LUZP2: variants seen among roughly 807,000 people sequenced by gnomAD.
LUZP2 encodes the protein leucine zipper protein 2.
LUZP2 carries 52 observed loss-of-function variants against 51.6 expected under a neutral mutation model. The observed-to-expected ratio is 1.01, with a 90% CI of 0.81 to 1.27. LUZP2 has a LOEUF of 1.27. LUZP2 is among the 50% of genes most tolerant of loss of function. The probability of loss-of-function intolerance (pLI) is 0.00; values close to 1 mark genes in which losing one functional copy is unlikely to be tolerated. For missense variants in LUZP2, 436 were observed against 395.4 expected (o/e 1.10, Z -0.87); for synonymous variants, 154 against 137.3 (o/e 1.12, Z -0.85).
At chr11:25,001,773 C>T (rs1856687709) in intron 9 of LUZP2, among the ~76,000 whole-genome samples, 1 of 152,126 alleles carries the variant, frequency 6.6e-6, no homozygotes, top group Non-Finnish European at 1.5e-5. Flanking sequence ...CTCTGTCTCT[C>T]TTTGACTTTG....
intron 9 of LUZP2, among the ~76,000 whole-genome samples, chr11:25,017,369 A>G (rs1271073256): frequency 2.6e-5 from 4 of 152,068 alleles, no homozygotes; most frequent in African/African-American, 9.6e-5. Context: ...AGTTTTTCCT[A>G]GATTTTCTTT....
intron 7 of LUZP2, among the ~76,000 whole-genome samples, chr11:24,965,662 A>C (rs1031395564): frequency 7.2e-5 from 11 of 151,814 alleles, no homozygotes; most frequent in Non-Finnish European, 1.6e-4. Context: ...TTTACATATA[A>C]ATTTTTTAAT....
intron 1 of LUZP2, among the ~76,000 whole-genome samples, chr11:24,717,019 A>T (rs1340411005): frequency 6.6e-6 from 1 of 152,162 alleles, no homozygotes; most frequent in East Asian, 1.9e-4. Context: ...AAAACTAATG[A>T]TTAATTATAA....
intron 9 of LUZP2, among the ~76,000 whole-genome samples, chr11:24,990,399 GTTAAT>G (rs1001377476): frequency 6.6e-6 from 1 of 151,882 alleles, no homozygotes; most frequent in Admixed American, 6.6e-5. Context: ...TTCAGCAAAG[GTTAAT>G]TTGAGTCAAG....
intron 7 of LUZP2, among the ~76,000 whole-genome samples, chr11:24,949,284 T>C (rs965885985): frequency 1.3e-5 from 2 of 148,676 alleles, no homozygotes; most frequent in African/African-American, 2.5e-5. Flanking sequence ...ATCTATTATC[T>C]AGATTATCTA....
At chr11:24,567,585 A>G (rs1373926157) in intron 1 of LUZP2, among the ~76,000 whole-genome samples, 2 of 152,068 alleles carry the variant, frequency 1.3e-5, no homozygotes, top group African/African-American at 4.8e-5. Context: ...AGAGAGAAAA[A>G]TGACTCATCA....
intron 1 of LUZP2, among the ~76,000 whole-genome samples, chr11:24,673,976 T>G (rs181254954): frequency 6.6e-6 from 1 of 152,354 alleles, no homozygotes; most frequent in East Asian, 1.9e-4. Context: ...AGTGCCTCTG[T>G]GTTTTGAATT....
intron 5 of LUZP2, among the ~76,000 whole-genome samples, chr11:24,904,877 A>G (rs1194170855): frequency 6.6e-6 from 1 of 152,226 alleles, no homozygotes; most frequent in East Asian, 1.9e-4. Context: ...AACTTGTTTC[A>G]CCTATAAAGA....
intron 1 of LUZP2, among the ~76,000 whole-genome samples, chr11:24,668,438 A>G (rs1455308883): frequency 6.6e-6 from 1 of 152,164 alleles, no homozygotes; most frequent in Non-Finnish European, 1.5e-5. Flanking sequence ...CTGTCTGTGG[A>G]GACAAATGAC....
chr11:24,588,199 A>C (rs1853139974), intron 1 of LUZP2, among the ~76,000 whole-genome samples: 1 of 152,076 alleles, frequency 6.6e-6, no homozygotes, highest in African/African-American at 2.4e-5. Context: ...AGATGACTCA[A>C]AATTTATCCC....
rs967794876 is a variant in LUZP2 at position 24,682,137 on chromosome 11, C to T, written c.63-47032C>T. 2.6e-5 allele frequency among the ~76,000 whole-genome samples: 4 copies of T among 152,154 alleles called. No individual in the cohort carries two copies. The East Asian group carries it at 5.8e-4, about 22-fold the overall frequency. On this transcript the variant is annotated intron_variant, in intron 1 of 11. Coordinates refer to ENST00000336930, the MANE Select transcript of LUZP2 (RefSeq NM_001009909.4). The stretch of plus-strand genomic sequence containing the variant: ...GATTGAAAATAGTTCTAAGATATTC[C>T]ACCTTCATCAACTTTTACTGTAAAT...
intron 7 of LUZP2, among the ~76,000 whole-genome samples, chr11:24,930,443 G>C (rs768237276): frequency 8.5e-5 from 13 of 152,122 alleles, no homozygotes; most frequent in Non-Finnish European, 1.9e-4. Context: ...AAATCGCTCA[G>C]TATTGTTTGT....
chr11:24,815,641 A>G (rs1180862723), intron 5 of LUZP2, among the ~76,000 whole-genome samples: 1 of 152,172 alleles, frequency 6.6e-6, no homozygotes, highest in African/African-American at 2.4e-5. Context: ...TCTTTTAGTA[A>G]GAACAGATGG....
intron 1 of LUZP2, among the ~76,000 whole-genome samples, chr11:24,538,337 T>C (rs890687164): frequency 2.6e-5 from 4 of 151,646 alleles, no homozygotes; most frequent in African/African-American, 9.7e-5. Flanking sequence ...TAAATATAAG[T>C]GATAAAACTA....
At chr11:24,945,709 C>A (rs1235669787) in intron 7 of LUZP2, among the ~76,000 whole-genome samples, 1 of 151,936 alleles carries the variant, frequency 6.6e-6, no homozygotes, top group Non-Finnish European at 1.5e-5. Flanking sequence ...CATGGTTTTC[C>A]ATTTCTTCTA....
intron 1 of LUZP2, among the ~76,000 whole-genome samples, chr11:24,668,285 C>T (rs945383028): frequency 2.6e-5 from 4 of 152,134 alleles, no homozygotes; most frequent in South Asian, 4.1e-4. Flanking sequence ...AGGGAATTTA[C>T]GAGTTTCATC....
At chr11:24,624,024 C>G (rs1323749864) in intron 1 of LUZP2, among the ~76,000 whole-genome samples, 1 of 152,092 alleles carries the variant, frequency 6.6e-6, no homozygotes, top group Non-Finnish European at 1.5e-5. Context: ...TGTTCATAAT[C>G]ATGACTTGAT....
At chr11:24,936,654 T>C (rs1565132583) in intron 7 of LUZP2, among the ~76,000 whole-genome samples, 1 of 152,062 alleles carries the variant, frequency 6.6e-6, no homozygotes, top group South Asian at 2.1e-4. Flanking sequence ...TCTCTCTGTC[T>C]ATAAAGTAAT....
chr11:25,051,334 A>G (rs1399427266), intron 10 of LUZP2, among the ~76,000 whole-genome samples: 1 of 152,220 alleles, frequency 6.6e-6, no homozygotes, highest in Non-Finnish European at 1.5e-5. Context: ...ATAAAAAAGA[A>G]AAATGAATTA....
Sources: allele counts gnomAD v4.1 joint callset (sites outside exome capture counted in the v4.1 genomes callset), GRCh38; gene constraint gnomAD v4.1.1; transcripts MANE v1.5; gene names NCBI Gene and HGNC (gene_info 2026-07-23, HGNC 2026-07-21).